CDH1: variants seen among roughly 807,000 people sequenced by gnomAD.
The protein encoded by CDH1 is cadherin 1, also known as cadherin-1.
CDH1 carries 35 observed loss-of-function variants against 84.5 expected under a neutral mutation model. The ratio of observed to expected loss-of-function variants is 0.41; its 90% CI spans 0.32 to 0.55. CDH1 has a LOEUF of 0.55. Among genes scored for constraint, CDH1 ranks in the 20% least tolerant of loss-of-function variants. CDH1 has a pLI of 0.19. For synonymous variants in CDH1, 417 were observed against 439.0 expected, an observed-to-expected ratio of 0.95 and a Z score of 0.63; for missense variants, 994 against 1,126.6, an observed-to-expected ratio of 0.88 and a Z score of 1.68.
chr16:68,737,546 C>G, intron 1 of CDH1, 83 bp downstream of exon 1: 2 of 1,184,146 alleles, frequency 1.7e-6, no homozygotes, highest in South Asian at 1.3e-5. Flanking sequence ...CCTCTCCCGT[C>G]GTCACCGCTT....
chr16:68,823,997 T>TTTTC (rs1311318461), intron 13 of CDH1, among the ~76,000 whole-genome samples: 1 of 145,544 alleles, frequency 6.9e-6, no homozygotes, highest in African/African-American at 2.6e-5. Context: ...CATTTCTTTT[T>TTTTC]TTTTTTTTTT....
intron 2 of CDH1, among the ~76,000 whole-genome samples, chr16:68,774,245 C>T (rs566933422): frequency 1.3e-5 from 2 of 152,278 alleles, no homozygotes; most frequent in African/African-American, 4.8e-5. Flanking sequence ...TTGTTGATGG[C>T]TGGGTGCGGT....
At position 68,811,990 on chromosome 16, in the gene CDH1, T is replaced by TA. The variant is rs148398896; in HGVS notation, c.1008+131_1008+132insA. 223,808 of 1,467,512 alleles carry TA rather than the reference T, an allele frequency of 0.15. 19,499 individuals are homozygous for TA. Among genetic ancestry groups the TA allele is most frequent in the African/African-American group, 0.34 (24,502 of 71,670 alleles). 90.9% of individuals were successfully genotyped at this position (1,467,512 alleles called of 1,614,324 possible). A position where few individuals can be genotyped will look rare whatever the true frequency, so the allele number is the denominator to read the frequency against. On this transcript the variant is annotated intron_variant, in intron 7 of 15. Coordinates refer to ENST00000261769, the MANE Select transcript of CDH1 (RefSeq NM_004360.5). ...ATGGTCTAAGCTTTGCATCTAAGCTTGTGCCCAGAGGTTCCGTGCCTAGAA... is the reference window on the plus strand; with the variant it reads ...ATGGTCTAAGCTTTGCATCTAAGCTTAGTGCCCAGAGGTTCCGTGCCTAGAA...
intron 2 of CDH1, among the ~76,000 whole-genome samples, chr16:68,787,851 G>GTTTTTTT: frequency 1.3e-5 from 1 of 79,224 alleles, no homozygotes; most frequent in Non-Finnish European, 2.8e-5. Flanking sequence ...TTTTGAGACA[G>GTTTTTTT]TTTCACTCTT....
chr16:68,787,762 A>G (rs1215680531), intron 2 of CDH1, among the ~76,000 whole-genome samples: 2 of 151,214 alleles, frequency 1.3e-5, no homozygotes, highest in Non-Finnish European at 2.9e-5. Context: ...GGGTTCAAGC[A>G]GTTCTCCCAC....
chr16:68,739,921 A>G (rs1962513877), intron 2 of CDH1, among the ~76,000 whole-genome samples: 1 of 152,168 alleles, frequency 6.6e-6, no homozygotes, highest in Admixed American at 6.6e-5. Context: ...GGCCAGGAAT[A>G]ATGATCTTTT....
chr16:68,822,439 A>G, intron 12 of CDH1: 1 of 606,134 alleles, frequency 1.6e-6, no homozygotes, highest in South Asian at 1.9e-5. Context: ...AGTAATCTAA[A>G]ACCCAAGCAG....
At chr16:68,759,592 C>A (rs905219861) in intron 2 of CDH1, among the ~76,000 whole-genome samples, 2 of 151,152 alleles carry the variant, frequency 1.3e-5, no homozygotes, top group Non-Finnish European at 2.9e-5. Flanking sequence ...CGAGTTCAAG[C>A]GATTCTCCTG....
intron 13 of CDH1, among the ~76,000 whole-genome samples, chr16:68,827,897 C>T (rs1961362796): frequency 6.6e-6 from 1 of 152,126 alleles, no homozygotes; most frequent in African/African-American, 2.4e-5. Context: ...CACTTTCCCC[C>T]AGATTTGGGA....
At chr16:68,773,463 AT>A (rs1198566808) in intron 2 of CDH1, among the ~76,000 whole-genome samples, 1 of 151,710 alleles carries the variant, frequency 6.6e-6, no homozygotes, top group Non-Finnish European at 1.5e-5. Flanking sequence ...CTCCCAGCTA[AT>A]TTTTTTGTAT....
At chr16:68,800,827 T>C (rs1295199021) in intron 2 of CDH1, among the ~76,000 whole-genome samples, 3 of 152,210 alleles carry the variant, frequency 2.0e-5, no homozygotes, top group African/African-American at 7.2e-5. Context: ...GCCACTCTTA[T>C]ATCACCCTCT....
chr16:68,805,591 G>C (rs1485347296), intron 3 of CDH1, among the ~76,000 whole-genome samples: 2 of 152,026 alleles, frequency 1.3e-5, no homozygotes, highest in Non-Finnish European at 2.9e-5. Context: ...TGTTTTGTTT[G>C]TTTGTTTTTG....
intron 2 of CDH1, among the ~76,000 whole-genome samples, chr16:68,743,005 C>T (rs1962607323): frequency 6.6e-6 from 1 of 152,208 alleles, no homozygotes; most frequent in African/African-American, 2.4e-5. Flanking sequence ...AGTCTTGGGC[C>T]CGGCAAGGCC....
At chr16:68,777,757 G>C (rs1159063441) in intron 2 of CDH1, among the ~76,000 whole-genome samples, 1 of 151,712 alleles carries the variant, frequency 6.6e-6, no homozygotes, top group African/African-American at 2.4e-5. Flanking sequence ...TTTGAGATGG[G>C]GTCTCACTCT....
At position 68,808,646 on chromosome 16, in the gene CDH1, G is replaced by T. The variant is rs536489978; in HGVS notation, c.532-47G>T. The T allele has an allele frequency of 2.5e-6, 4 of 1,613,320 alleles. No homozygotes were observed. The South Asian group carries it at 4.4e-5, about 18-fold the overall frequency. ...AGGAGAGAAAGGGAAAAGACCCAGT[G>T]TTGGGATCCTTCTTTACTAATTCTT... On this transcript the variant is annotated intron_variant, in intron 4 of 15. Transcript: ENST00000261769.
chr16:68,779,500 T>C (rs533445598), intron 2 of CDH1, among the ~76,000 whole-genome samples: 7 of 152,346 alleles, frequency 4.6e-5, no homozygotes, highest in African/African-American at 1.7e-4. Flanking sequence ...ACACGGTACC[T>C]ACCTTCTAGG....
rs2152141487 is a variant in CDH1 at position 68,828,247 on chromosome 16, T to A, written c.2238T>A (p.Asp746Glu). The stretch of plus-strand genomic sequence containing the variant: ...AAGAGCCCTTACTGCCCCCAGAGGA[T>A]GACACCCGGGACAACGTTTATTACT... The part of the protein sequence containing the change: ...VVKEPLLPPE[D>E]DTRDNVYYYD... The change falls in exon 14 of 16, where the codon GAT becomes GAA. Residue 746 changes from aspartate to glutamate, a missense_variant. Asp to Glu is a conservative substitution (Grantham distance 45, BLOSUM62 2). Transcript: ENST00000261769. The A allele has an allele frequency of 6.2e-7, 1 of 1,614,112 alleles. No individual in the cohort carries two copies.
At chr16:68,760,475 A>G (rs1220746991) in intron 2 of CDH1, among the ~76,000 whole-genome samples, 1 of 152,040 alleles carries the variant, frequency 6.6e-6, no homozygotes. Context: ...CTTGTAAAGT[A>G]TAACCGTCTC....
At chr16:68,824,971 A>C (rs74025315) in intron 13 of CDH1, among the ~76,000 whole-genome samples, 3,082 of 152,306 alleles carry the variant, frequency 0.02, 57 homozygotes, top group Middle Eastern at 0.12. Context: ...AGTCAATTAG[A>C]AACCTTTGAC....
Sources: allele counts gnomAD v4.1 joint callset (sites outside exome capture counted in the v4.1 genomes callset), GRCh38; gene constraint gnomAD v4.1.1; transcripts MANE v1.5; gene names NCBI Gene and HGNC (gene_info 2026-07-23, HGNC 2026-07-21).